The following KAT6B variants were observed in gnomAD, a reference collection of about 807,000 sequenced individuals.
The protein encoded by KAT6B is histone acetyltransferase KAT6B.
Under a neutral mutation model 187.5 loss-of-function variants are expected in KAT6B, and 10 were observed. The ratio of observed to expected loss-of-function variants is 0.05; its 90% CI spans 0.03 to 0.09. The LOEUF (loss-of-function observed/expected upper bound fraction) is 0.09, where lower values mean the gene tolerates loss of function less well. Among genes scored for constraint, KAT6B ranks in the 10% least tolerant of loss-of-function variants. KAT6B has a pLI of 1.00. For missense variants in KAT6B, 1,952 were observed against 2,558.9 expected, an observed-to-expected ratio of 0.76 and a Z score of 5.12; for synonymous variants, 861 against 926.8, an observed-to-expected ratio of 0.93 and a Z score of 1.29.
In KAT6B at chr10:75,020,648, G is replaced by A. The variant is rs761702778; in HGVS notation, c.2696G>A (p.Arg899His). 1.2e-5 allele frequency: 19 copies of A among 1,614,078 alleles called. No individual in the cohort carries two copies. The highest frequency in any genetic ancestry group is 1.6e-4 in the Middle Eastern group (1 of 6,084). Reference sequence around the variant, plus strand: ...GAAAAGCCTCTCTCCGATCTGGGCCGTCTCTCCTACCTGGCATATTGGAAG... The same window carrying A: ...GAAAAGCCTCTCTCCGATCTGGGCCATCTCTCCTACCTGGCATATTGGAAG... ...SPEKPLSDLG[R>H]LSYLAYWKSV... Residue 899 changes from arginine (R) to histidine (H), a missense_variant, in exon 14 of 18, where the codon CGT becomes CAT. Coordinates refer to ENST00000287239, the MANE Select transcript of KAT6B (RefSeq NM_012330.4).
chr10:74,837,304 G>C (rs1228641079), intron 1 of KAT6B, among the ~76,000 whole-genome samples: 1 of 152,126 alleles, frequency 6.6e-6, no homozygotes, highest in Non-Finnish European at 1.5e-5. Context: ...ATATTTTGTA[G>C]TTAAAAATAA....
In KAT6B at chr10:75,029,551, C is replaced by T. The variant is rs368252918; in HGVS notation, c.4727C>T (p.Thr1576Ile). ...QEACRSLQNY[T>I]RADQSPQIAT... ...GCCTGTAGAAGCCTACAGAACTACA[C>T]CCGTGCAGACCAAAGTCCACAGATT... Residue 1576 changes from threonine (T) to isoleucine (I), a missense_variant, in exon 18 of 18, where the codon ACC becomes ATC. Physicochemically the swap from Thr to Ile is moderately conservative, Grantham distance 89. This residue lies in a region of KAT6B where 758 missense variants were observed against 891.4 expected (regional missense o/e 0.85). Transcript: ENST00000287239. This position sits in a 1 kb window ranked among gnomAD's most constrained non-coding sequence, Gnocchi z 6.2. 1.2e-6 allele frequency: 2 copies of T among 1,614,022 alleles called. No homozygotes were observed. The highest frequency in any genetic ancestry group is 1.7e-5 in the Admixed American group (1 of 59,998).
chr10:74,954,083 A>G (rs1235016266), intron 3 of KAT6B, among the ~76,000 whole-genome samples: 1 of 152,192 alleles, frequency 6.6e-6, no homozygotes, highest in African/African-American at 2.4e-5. Context: ...TCTGGAAGGA[A>G]CCTTTGAAGA....
intron 17 of KAT6B, among the ~76,000 whole-genome samples, chr10:75,027,022 C>G (rs1845901548): frequency 1.3e-5 from 2 of 152,100 alleles, no homozygotes; most frequent in South Asian, 4.1e-4. Context: ...CCTGTAAGTC[C>G]CAGCTACTTG....
chr10:75,018,163 G>A (rs1417491765), intron 13 of KAT6B, among the ~76,000 whole-genome samples: 1 of 152,206 alleles, frequency 6.6e-6, no homozygotes, highest in Non-Finnish European at 1.5e-5. Context: ...ACCCAGGGAA[G>A]CATGGCCTCC....
intron 3 of KAT6B, among the ~76,000 whole-genome samples, chr10:74,883,588 C>T (rs1845024962): frequency 6.6e-6 from 1 of 152,178 alleles, no homozygotes; most frequent in South Asian, 2.1e-4. Flanking sequence ...TTGTGACCCT[C>T]TTGAGCAGTC....
At chr10:74,872,527 C>A (rs1000205219) in intron 3 of KAT6B, among the ~76,000 whole-genome samples, 1 of 152,042 alleles carries the variant, frequency 6.6e-6, no homozygotes, top group African/African-American at 2.4e-5. Context: ...AGTTGTGTAC[C>A]ACCATGGCTG....
chr10:74,947,618 T>C lies in KAT6B; in HGVS notation c.622-12352T>C, dbSNP rs540805613. ...ACCATGTACTAAGCTATTTAAGATA[T>C]GCAAAATTTTACCAATGTCACCAAA... is the stretch of plus-strand genomic sequence containing the variant. On this transcript the variant is annotated intron_variant, in intron 3 of 17. Transcript: ENST00000287239. 3.0e-4 allele frequency among the ~76,000 whole-genome samples: 45 copies of C among 152,356 alleles called. 1 individual carries two copies. In the South Asian group the frequency reaches 9.1e-3, roughly 31 times the overall value.
intron 3 of KAT6B, among the ~76,000 whole-genome samples, chr10:74,942,494 G>T (rs1327384047): frequency 2.6e-5 from 4 of 152,026 alleles, no homozygotes; most frequent in African/African-American, 9.6e-5. Context: ...GGCTGGGCAT[G>T]GTGGCTCATA....
intron 11 of KAT6B, chr10:74,983,240 G>A (rs1354879864): frequency 1.3e-5 from 2 of 152,268 alleles, no homozygotes; most frequent in African/African-American, 4.8e-5. Context: ...AGGATGTTTA[G>A]CAGCATCTCT....
intron 13 of KAT6B, among the ~76,000 whole-genome samples, chr10:74,990,932 A>G (rs943481148): frequency 4.6e-5 from 7 of 152,154 alleles, no homozygotes; most frequent in African/African-American, 1.7e-4. Flanking sequence ...TTTCTCAAAT[A>G]GTCTGAGCAT....
chr10:74,846,111 G>A (rs3998197), intron 3 of KAT6B, among the ~76,000 whole-genome samples: 2 of 151,890 alleles, frequency 1.3e-5, no homozygotes, highest in African/African-American at 4.8e-5. Flanking sequence ...ACATCCTTCC[G>A]CCTCGGCCTC....
At position 74,940,577 on chromosome 10, in the gene KAT6B, G is replaced by GTT. The variant is rs78026413; in HGVS notation, c.622-19380_622-19379dup. ...GCGTGAGTCACCGTGCCCGGCCTTT[G>GTT]TTTTTTTTTTTTTTCTTTCTTTAAA... On this transcript the variant is annotated intron_variant, in intron 3 of 17. Transcript: ENST00000287239. Among the ~76,000 whole-genome samples the GTT allele has an allele frequency of 1.1e-3, 140 of 126,712 alleles. 1 individual carries two copies. The East Asian group carries it at 0.012, about 10-fold the overall frequency. The allele number at this position is 126,712 out of a possible 152,430, so 83.1% of individuals were successfully genotyped here. A position where few individuals can be genotyped will look rare whatever the true frequency, so the allele number is the denominator to read the frequency against.
intron 10 of KAT6B, among the ~76,000 whole-genome samples, chr10:74,981,306 T>TTCCTTCCTTCCTTC (rs1842493708): frequency 4.4e-4 from 61 of 140,020 alleles, no homozygotes; most frequent in South Asian, 1.7e-3. Context: ...TTTCTTTCTT[T>TTCCTTCCTTCCTTC]CTTCCTTCCT....
chr10:74,923,803 G>C (rs1309294926), intron 3 of KAT6B, among the ~76,000 whole-genome samples: 1 of 152,166 alleles, frequency 6.6e-6, no homozygotes, highest in Non-Finnish European at 1.5e-5. Flanking sequence ...GCCTTTGCAG[G>C]GTTTTGAACA....
chr10:75,012,236 C>T (rs1262209394), intron 13 of KAT6B, among the ~76,000 whole-genome samples: 2 of 151,968 alleles, frequency 1.3e-5, no homozygotes, highest in Admixed American at 6.6e-5. Flanking sequence ...TTGCTTGAGC[C>T]GAGGAGTTTG....
At chr10:74,864,813 T>G (rs1297970772) in intron 3 of KAT6B, among the ~76,000 whole-genome samples, 1 of 152,236 alleles carries the variant, frequency 6.6e-6, no homozygotes, top group Non-Finnish European at 1.5e-5. Context: ...GCCCTGTGTG[T>G]TCTTCTCTGA....
chr10:74,928,196 T>C (rs1848632694), intron 3 of KAT6B, among the ~76,000 whole-genome samples: 1 of 152,232 alleles, frequency 6.6e-6, no homozygotes. Context: ...TAAGTATCCA[T>C]TGTTTGACTG....
chr10:74,994,803 TA>T (rs79401012), intron 13 of KAT6B, among the ~76,000 whole-genome samples: 2,603 of 135,640 alleles, frequency 0.019, 32 homozygotes, highest in African/African-American at 0.041. Flanking sequence ...CTTCATCTGT[TA>T]AAAAAAAAAA....
Sources: gnomAD v4.1 joint callset for allele counts (sites outside exome capture counted in the v4.1 genomes callset) on GRCh38, gnomAD v4.1.1 for gene constraint, gnomAD v4.1.1 regional missense constraint, Gnocchi (gnomAD v3.1) non-coding constraint, MANE v1.5 for transcripts, NCBI Gene and HGNC (gene_info 2026-07-23, HGNC 2026-07-21) for gene names.